Variants in USP47 observed in about 807,000 individuals in gnomAD.
USP47 encodes ubiquitin specific peptidase 47, also known as ubiquitin carboxyl-terminal hydrolase 47.
USP47 carries 35 observed loss-of-function variants against 165.1 expected under a neutral mutation model. The observed-to-expected ratio is 0.21, with a 90% confidence interval of 0.16 to 0.28. USP47 has a LOEUF of 0.28. Among genes scored for constraint, USP47 ranks in the 10% least tolerant of loss-of-function variants. The pLI is 1.00. For synonymous variants in USP47, 531 were observed against 544.5 expected (o/e 0.98, Z 0.35); for missense variants, 1,277 against 1,607.4 (o/e 0.79, Z 3.52).
chr11:11,863,675 A>G (rs562972598), intron 1 of USP47, among the ~76,000 whole-genome samples: 4 of 152,332 alleles, frequency 2.6e-5, no homozygotes, highest in East Asian at 3.8e-4. Context: ...CAGAATACCT[A>G]CAAATGCATT....
Position 11,956,197 on chromosome 11 carries a change from C to T in USP47, c.*22C>T. ...CTGACTCTGATAGTGTAGCATTTTC[C>T]CTGGGGGAGTTTTGGTTTTAATTAG... On this transcript the variant is annotated 3_prime_UTR_variant, in exon 28 of 28. Coordinates refer to ENST00000527733, the MANE Select transcript of USP47 (RefSeq NM_001282659.2). 6.2e-7 allele frequency: 1 copy of T among 1,611,620 alleles called. No homozygotes were observed. Among genetic ancestry groups the T allele is most frequent in the Non-Finnish European group, 8.5e-7 (1 of 1,179,260 alleles).
At position 11,956,188 on chromosome 11, in the gene USP47, A is replaced by G. The variant is rs752370762; in HGVS notation, c.*13A>G. On this transcript the variant is annotated 3_prime_UTR_variant, in exon 28 of 28. Coordinates refer to ENST00000527733, the MANE Select transcript of USP47 (RefSeq NM_001282659.2). ...GACTCAAGACTGACTCTGATAGTGT[A>G]GCATTTTCCCTGGGGGAGTTTTGGT... 3.7e-6 allele frequency: 6 copies of G among 1,612,766 alleles called. No homozygotes were observed. Among genetic ancestry groups the G allele is most frequent in the Non-Finnish European group, 4.2e-6 (5 of 1,179,630 alleles).
chr11:11,877,965 G>A (rs971837043), intron 1 of USP47, among the ~76,000 whole-genome samples: 1 of 151,568 alleles, frequency 6.6e-6, no homozygotes, highest in Admixed American at 6.6e-5. Context: ...TATACTCTTA[G>A]TATTTTTAAA....
intron 1 of USP47, among the ~76,000 whole-genome samples, chr11:11,876,041 C>T (rs1850395676): frequency 6.6e-6 from 1 of 152,192 alleles, no homozygotes; most frequent in Admixed American, 6.5e-5. Flanking sequence ...TCCCCTTAGT[C>T]TCATAAGTGT....
Position 11,938,294 on chromosome 11 carries a change from A to G in USP47, c.2115A>G (p.Ala705=). Residue 705 remains alanine (A), a synonymous_variant, in exon 18 of 28, where the codon GCA becomes GCG. Transcript: ENST00000527733. ...AAGTTCATGTTGTTGATCTAAAGGC[A>G]GAATCTGTAGCTGCTCCTATAACTG... ...MVKVHVVDLK[A]ESVAAPITVR... is the part of the protein sequence containing the mutation. 6.2e-7 allele frequency: 1 copy of G among 1,612,308 alleles called. No individual in the cohort carries two copies. The highest frequency in any genetic ancestry group is 8.5e-7 in the Non-Finnish European group (1 of 1,178,842).
intron 3 of USP47, among the ~76,000 whole-genome samples, chr11:11,886,880 C>T (rs1249669432): frequency 6.6e-6 from 1 of 152,040 alleles, no homozygotes; most frequent in Non-Finnish European, 1.5e-5. Context: ...AAACAGTAGA[C>T]CTCTCAGTGG....
At position 11,953,711 on chromosome 11, in the gene USP47, AAGAC is replaced by A. The variant is rs1262937823; in HGVS notation, c.3714+843_3714+846del. ...AGACGGAACAAATCTAATTTTAAGA[AAGAC>A]AGCATGAATAGGCAATTTATAGAAA... On this transcript the variant is annotated intron_variant, in intron 25 of 27. Transcript: ENST00000527733. Among the ~76,000 whole-genome samples, 3 of 152,346 alleles carry A rather than the reference AAGAC, an allele frequency of 2.0e-5. No homozygotes were observed. The South Asian group carries it at 6.2e-4, about 32-fold the overall frequency.
At chr11:11,846,102 A>G (rs1269290947) in intron 1 of USP47, among the ~76,000 whole-genome samples, 3 of 152,140 alleles carry the variant, frequency 2.0e-5, no homozygotes, top group Non-Finnish European at 4.4e-5. Context: ...AGAGAGTGGT[A>G]TCTCTTCATT....
At chr11:11,936,211 C>T (rs1354157022) in intron 16 of USP47, 92 bp from the exon 17 acceptor site, 1 of 665,316 alleles carries the variant, frequency 1.5e-6, no homozygotes, top group Non-Finnish European at 2.0e-6. Flanking sequence ...TGTTATTCCC[C>T]AACAGACTAA....
At chr11:11,946,324 C>G (rs566885866) in intron 20 of USP47, among the ~76,000 whole-genome samples, 15 of 152,310 alleles carry the variant, frequency 9.8e-5, no homozygotes, top group African/African-American at 3.6e-4. Flanking sequence ...CCATCAAATT[C>G]CAGAACCAGT....
At chr11:11,953,690 G>C (rs780067462) in intron 25 of USP47, among the ~76,000 whole-genome samples, 2 of 152,026 alleles carry the variant, frequency 1.3e-5, no homozygotes, top group African/African-American at 4.8e-5. Flanking sequence ...AGAAAAAGAC[G>C]GAACAAATCT....
chr11:11,923,200 C>G (rs1373037794), intron 11 of USP47, among the ~76,000 whole-genome samples: 3 of 151,232 alleles, frequency 2.0e-5, no homozygotes, highest in African/African-American at 7.3e-5. Flanking sequence ...GCCTAGTAGT[C>G]AAGAAACCAA....
At chr11:11,925,478 C>T (rs920752428) in intron 11 of USP47, among the ~76,000 whole-genome samples, 1 of 152,012 alleles carries the variant, frequency 6.6e-6, no homozygotes, top group Non-Finnish European at 1.5e-5. Flanking sequence ...GAATTTTATT[C>T]TCTTTGACAC....
At chr11:11,857,387 A>G (rs905388602) in intron 1 of USP47, among the ~76,000 whole-genome samples, 3 of 152,316 alleles carry the variant, frequency 2.0e-5, no homozygotes, top group East Asian at 1.9e-4. Flanking sequence ...AACAACCACA[A>G]CTTATTAAAA....
At chr11:11,928,644 T>C (rs1488317064) in intron 11 of USP47, among the ~76,000 whole-genome samples, 2 of 152,074 alleles carry the variant, frequency 1.3e-5, no homozygotes, top group Non-Finnish European at 2.9e-5. Context: ...TACCTGTTCT[T>C]TTTTTGTGAT....
intron 1 of USP47, among the ~76,000 whole-genome samples, chr11:11,875,514 A>G (rs1850353494): frequency 6.6e-6 from 1 of 152,218 alleles, no homozygotes; most frequent in Admixed American, 6.5e-5. Flanking sequence ...TGTTTCTAGC[A>G]GTTAAGTGTA....
At chr11:11,935,527 A>C (rs1314380098) in intron 16 of USP47, among the ~76,000 whole-genome samples, 1 of 151,614 alleles carries the variant, frequency 6.6e-6, no homozygotes, top group East Asian at 1.9e-4. Flanking sequence ...CCAAAAATAG[A>C]GCTTCATTGT....
In USP47 at chr11:11,884,597, G is replaced by T. The variant is rs766370469; in HGVS notation, c.357+17G>T. On this transcript the variant is annotated intron_variant, in intron 3 of 27. Transcript: ENST00000527733. ...ATACTGCTGGTAAGCTACTTAGAAA[G>T]CCCCATATTTATAATTTTTGTGCAC... 6.4e-7 allele frequency: 1 copy of T among 1,570,790 alleles called. No individual in the cohort carries two copies.
At position 11,931,955 on chromosome 11, in the gene USP47, T is replaced by C. The variant is rs368141665; in HGVS notation, c.1652-1049T>C. Among the ~76,000 whole-genome samples, 23 of 152,292 alleles carry C rather than the reference T, an allele frequency of 1.5e-4. No individual in the cohort carries two copies. In the East Asian group the frequency reaches 4.1e-3, roughly 27 times the overall value. On this transcript the variant is annotated intron_variant, in intron 14 of 27. Coordinates refer to ENST00000527733, the MANE Select transcript of USP47 (RefSeq NM_001282659.2). ...TTTAACTAATTGTTTAAAAGTAGCC[T>C]CACAAATTATATCAGGCTGTCCTCG...
Sources: allele counts gnomAD v4.1 joint callset (sites outside exome capture counted in the v4.1 genomes callset), GRCh38; gene constraint gnomAD v4.1.1; transcripts MANE v1.5; gene names NCBI Gene and HGNC (gene_info 2026-07-23, HGNC 2026-07-21).